CFAP44: variants seen among roughly 807,000 people sequenced by gnomAD.
CFAP44 encodes the protein cilia and flagella associated protein 44, also known as cilia- and flagella-associated protein 44.
A neutral mutation model predicts 216.2 loss-of-function variants in CFAP44; 134 were observed. The ratio of observed to expected loss-of-function variants is 0.62; its 90% CI spans 0.54 to 0.72. CFAP44 has a LOEUF of 0.72. Ranked by LOEUF, CFAP44 falls within the 30% of genes least tolerant of loss-of-function variation. The pLI is 0.00. For synonymous variants in CFAP44, 700 were observed against 727.6 expected, an observed-to-expected ratio of 0.96 and a Z score of 0.61; for missense variants, 2,035 against 2,182.1, an observed-to-expected ratio of 0.93 and a Z score of 1.34.
intron 22 of CFAP44, among the ~76,000 whole-genome samples, chr3:113,355,498 C>T (rs1476849478): frequency 6.6e-5 from 10 of 152,046 alleles, no homozygotes; most frequent in South Asian, 2.1e-4. Flanking sequence ...CCAGCCTGGG[C>T]GACAGAGTGA....
intron 21 of CFAP44, chr3:113,360,958 T>C (rs572301975): frequency 1.2e-4 from 32 of 256,658 alleles, no homozygotes; most frequent in African/African-American, 6.2e-4. Flanking sequence ...ATTTGTTTTA[T>C]CTGTGTATGA....
chr3:113,292,465 T>C (rs937968979), intron 34 of CFAP44, among the ~76,000 whole-genome samples: 1 of 152,242 alleles, frequency 6.6e-6, no homozygotes, highest in African/African-American at 2.4e-5. Context: ...TCTACATAAG[T>C]AGATGCTCAA....
Position 113,433,429 on chromosome 3 carries a change from CAAAAAAA to C in CFAP44, c.100+129_100+135del, listed in dbSNP as rs58221881. 5.6e-4 allele frequency: 71 copies of C among 127,730 alleles called. 1 individual carries two copies. Among genetic ancestry groups the C allele is most frequent in the East Asian group, 1.6e-3 (6 of 3,718 alleles). 7.9% of individuals were successfully genotyped at this position (127,730 alleles called of 1,614,324 possible). A position where few individuals can be genotyped will look rare whatever the true frequency, so the allele number is the denominator to read the frequency against. ...GGGCAACAAGAGCAAAACTCCATCT[CAAAAAAA>C]AAAAAAAAAAAAAAAAAAAAGATCT... On this transcript the variant is annotated intron_variant, in intron 2 of 34. Coordinates refer to ENST00000393845, the MANE Select transcript of CFAP44 (RefSeq NM_001164496.2).
At chr3:113,346,380 G>A (rs1054435294) in intron 22 of CFAP44, among the ~76,000 whole-genome samples, 7 of 151,762 alleles carry the variant, frequency 4.6e-5, no homozygotes, top group South Asian at 2.1e-4. Flanking sequence ...TCAGCGCTCC[G>A]TGCCTAGCTA....
chr3:113,303,162 G>C (rs554445791), intron 32 of CFAP44, among the ~76,000 whole-genome samples: 2 of 152,210 alleles, frequency 1.3e-5, no homozygotes, highest in Admixed American at 1.3e-4. Flanking sequence ...AACCACTTTG[G>C]GGGCAACCTG....
chr3:113,426,095 A>C (rs1466520187), intron 4 of CFAP44, 29 bp downstream of exon 4: 1 of 1,604,584 alleles, frequency 6.2e-7, no homozygotes, highest in Admixed American at 1.7e-5. Flanking sequence ...AAAATCCCAA[A>C]ATTATACATA....
intron 4 of CFAP44, among the ~76,000 whole-genome samples, chr3:113,421,355 G>C (rs1199426178): frequency 1.3e-5 from 2 of 152,156 alleles, no homozygotes; most frequent in Non-Finnish European, 2.9e-5. Flanking sequence ...TGTTGGTGAG[G>C]CTACAGACAA....
chr3:113,438,415 G>T (rs1327119875), intron 1 of CFAP44, among the ~76,000 whole-genome samples: 1 of 152,170 alleles, frequency 6.6e-6, no homozygotes, highest in Non-Finnish European at 1.5e-5. Flanking sequence ...CTGGTTGTGA[G>T]GTGTTAACCA....
chr3:113,349,009 C>T (rs1051173334), intron 22 of CFAP44, among the ~76,000 whole-genome samples: 2 of 152,162 alleles, frequency 1.3e-5, no homozygotes, highest in African/African-American at 2.4e-5. Flanking sequence ...GGGACAAATT[C>T]CCTACCAGTC....
chr3:113,330,082 TTAAA>T (rs1350627144), intron 26 of CFAP44, 82 bp downstream of exon 26: 7 of 1,423,664 alleles, frequency 4.9e-6, no homozygotes, highest in Non-Finnish European at 6.4e-6. Flanking sequence ...CAGAGAAATT[TTAAA>T]TAAATAAACA....
chr3:113,438,914 G>T (rs1228528100), intron 1 of CFAP44, among the ~76,000 whole-genome samples: 1 of 152,022 alleles, frequency 6.6e-6, no homozygotes, highest in Non-Finnish European at 1.5e-5. Flanking sequence ...GAGAGCTCAA[G>T]AAGTTAATTC....
At chr3:113,408,816 T>A (rs1222414826) in intron 7 of CFAP44, among the ~76,000 whole-genome samples, 1 of 141,154 alleles carries the variant, frequency 7.1e-6, no homozygotes, top group Non-Finnish European at 1.5e-5. Flanking sequence ...TGAGCTGAGA[T>A]CATGCCATTG....
chr3:113,331,596 T>G (rs1950241551), intron 25 of CFAP44, among the ~76,000 whole-genome samples: 1 of 150,108 alleles, frequency 6.7e-6, no homozygotes, highest in Admixed American at 6.6e-5. Flanking sequence ...CACTAAGGTT[T>G]AAACTCAAAA....
At chr3:113,416,043 G>A (rs975257472) in intron 6 of CFAP44, among the ~76,000 whole-genome samples, 1 of 152,136 alleles carries the variant, frequency 6.6e-6, no homozygotes, top group Non-Finnish European at 1.5e-5. Flanking sequence ...GGGGTGCTCT[G>A]TATTGGATGT....
At chr3:113,373,265 T>G in intron 18 of CFAP44, 146 bp downstream of exon 18, 1 of 694,824 alleles carries the variant, frequency 1.4e-6, no homozygotes. Flanking sequence ...TTGATTTTAT[T>G]TATTCATTTG....
At chr3:113,418,510 C>A (rs1026912335) in intron 5 of CFAP44, among the ~76,000 whole-genome samples, 1 of 152,134 alleles carries the variant, frequency 6.6e-6, no homozygotes, top group Non-Finnish European at 1.5e-5. Context: ...TTTCTCATAG[C>A]CTTGCTAAAG....
chr3:113,372,496 A>G (rs1181442503), intron 18 of CFAP44, among the ~76,000 whole-genome samples: 2 of 152,174 alleles, frequency 1.3e-5, no homozygotes, highest in Admixed American at 6.5e-5. Flanking sequence ...ACCAAGCACC[A>G]CATATTCTCA....
chr3:113,369,024 CAAG>C (rs1464708387), intron 18 of CFAP44, among the ~76,000 whole-genome samples: 1 of 152,156 alleles, frequency 6.6e-6, no homozygotes, highest in Non-Finnish European at 1.5e-5. Context: ...ATCAATTCAA[CAAG>C]AAGAGCTAAC....
intron 32 of CFAP44, among the ~76,000 whole-genome samples, chr3:113,302,457 T>TTAAAAAAAAAAAAAAAAA (rs1949944738): frequency 1.3e-5 from 1 of 75,812 alleles, no homozygotes; most frequent in Non-Finnish European, 2.8e-5. Flanking sequence ...CTAGACAAAG[T>TTAAAAAAAAAAAAAAAAA]AAAAAAAAAA....
Sources: allele counts gnomAD v4.1 joint callset (sites outside exome capture counted in the v4.1 genomes callset), GRCh38; gene constraint gnomAD v4.1.1; transcripts MANE v1.5; gene names NCBI Gene and HGNC (gene_info 2026-07-23, HGNC 2026-07-21).